The following TM9SF2 variants were observed in gnomAD, a reference collection of about 807,000 sequenced individuals.
The protein encoded by TM9SF2 is 76 kDa membrane protein.
A neutral mutation model predicts 84.9 loss-of-function variants in TM9SF2; 13 were observed. The ratio of observed to expected loss-of-function variants is 0.15; its 90% CI spans 0.10 to 0.24. The LOEUF (loss-of-function observed/expected upper bound fraction) is 0.24. TM9SF2 is among the 10% of genes least tolerant of loss of function. The probability of loss-of-function intolerance (pLI) is 1.00; values close to 1 mark genes in which losing one functional copy is unlikely to be tolerated. For missense variants in TM9SF2, 562 were observed against 818.5 expected (o/e 0.69, Z 3.82); for synonymous variants, 273 against 285.8 (o/e 0.96, Z 0.45).
chr13:99,506,711 C>T (rs1212259377), intron 1 of TM9SF2, among the ~76,000 whole-genome samples: 3 of 152,154 alleles, frequency 2.0e-5, no homozygotes, highest in Admixed American at 6.5e-5. Flanking sequence ...TAAACTGGAA[C>T]GTCTGAAACA....
chr13:99,557,119 A>G (rs760784174), intron 15 of TM9SF2, among the ~76,000 whole-genome samples: 81 of 152,186 alleles, frequency 5.3e-4, no homozygotes, highest in Admixed American at 1.6e-3. Context: ...ACTTTTCCAC[A>G]GTGGTTGTGC....
intron 4 of TM9SF2, among the ~76,000 whole-genome samples, chr13:99,534,876 G>A (rs1298201351): frequency 1.3e-5 from 2 of 152,152 alleles, no homozygotes; most frequent in Non-Finnish European, 2.9e-5. Context: ...TTGGCCAGGC[G>A]TGGTGGCTCA....
intron 12 of TM9SF2, among the ~76,000 whole-genome samples, chr13:99,550,705 C>T (rs2046302253): frequency 1.3e-5 from 2 of 152,132 alleles, no homozygotes; most frequent in Admixed American, 1.3e-4. Flanking sequence ...TAAATAAACA[C>T]CTGCATATAA....
intron 3 of TM9SF2, among the ~76,000 whole-genome samples, chr13:99,520,900 T>C (rs926311120): frequency 6.6e-6 from 1 of 152,228 alleles, no homozygotes. Flanking sequence ...ATTTGGAACA[T>C]CTTTGGTACA....
Position 99,555,713 on chromosome 13 carries a change from ATAT to A in TM9SF2, c.1752+72_1752+74del. 3 of 977,870 alleles carry A rather than the reference ATAT, an allele frequency of 3.1e-6. 1 individual carries two copies. The highest frequency in any genetic ancestry group is 4.6e-6 in the Non-Finnish European group (3 of 657,264). The allele number at this position is 977,870 out of a possible 1,614,324, so 60.6% of individuals were successfully genotyped here. A position where few individuals can be genotyped will look rare whatever the true frequency, so the allele number is the denominator to read the frequency against. On this transcript the variant is annotated intron_variant, in intron 15 of 16. Transcript: ENST00000376387. ...GTAACTTTGGCATATTGCAATTTGT[ATAT>A]TATTAATTAAAATAATTTCTGTAGA...
At position 99,501,784 on chromosome 13, in the gene TM9SF2, G is replaced by C. The variant is rs1218721879; in HGVS notation, c.171+7G>C. The C allele has an allele frequency of 3.7e-6, 6 of 1,605,882 alleles. No individual in the cohort carries two copies. Among genetic ancestry groups the C allele is most frequent in the Non-Finnish European group, 5.1e-6 (6 of 1,178,346 alleles). On this transcript the variant is annotated splice_region_variant and intron_variant, in intron 1 of 16. Transcript: ENST00000376387. ...AAAGAGCGACGAGTGCAAGGTGGGT[G>C]AGGCCTGACGAGCCCTCTGATGCAC...
chr13:99,541,899 C>T (rs967357684), intron 9 of TM9SF2, among the ~76,000 whole-genome samples: 2 of 152,098 alleles, frequency 1.3e-5, no homozygotes, highest in African/African-American at 4.8e-5. Flanking sequence ...CCTGTAATCC[C>T]AGCACTTTGG....
At chr13:99,512,741 C>T (rs999829353) in intron 1 of TM9SF2, among the ~76,000 whole-genome samples, 11 of 152,080 alleles carry the variant, frequency 7.2e-5, no homozygotes, top group Admixed American at 2.6e-4. Flanking sequence ...GTTTTGACAA[C>T]ATTGTTTTTT....
chr13:99,562,888 AAAT>A lies in TM9SF2; in HGVS notation c.*133_*135del. On this transcript the variant is annotated 3_prime_UTR_variant, in exon 17 of 17. Coordinates refer to ENST00000376387, the MANE Select transcript of TM9SF2 (RefSeq NM_004800.3). ...AATCCTTCAGAAACACCGTAATTCTAAATAAACCTCTTCCCATACACCTTTCCC... is the reference window on the plus strand; with the variant it reads ...AATCCTTCAGAAACACCGTAATTCTAAAACCTCTTCCCATACACCTTTCCC... 2 of 787,360 alleles carry A rather than the reference AAAT, an allele frequency of 2.5e-6. No individual in the cohort carries two copies. The highest frequency in any genetic ancestry group is 3.5e-5 in the South Asian group (2 of 57,018). 48.8% of individuals were successfully genotyped at this position (787,360 alleles called of 1,614,324 possible).
chr13:99,503,446 C>T (rs540130932), intron 1 of TM9SF2, among the ~76,000 whole-genome samples: 1 of 152,246 alleles, frequency 6.6e-6, no homozygotes, highest in Admixed American at 6.5e-5. Context: ...TGGTGGCTCA[C>T]GCCTGTAATC....
At chr13:99,541,140 T>G (rs886834320) in intron 8 of TM9SF2, among the ~76,000 whole-genome samples, 2 of 152,242 alleles carry the variant, frequency 1.3e-5, no homozygotes, top group Non-Finnish European at 2.9e-5. Flanking sequence ...TTCAAAACTT[T>G]TATCTAGAGT....
In TM9SF2 at chr13:99,562,884, T is replaced by C. The variant is rs2046350290; in HGVS notation, c.*126T>C. The C allele has an allele frequency of 1.2e-6, 1 of 845,146 alleles. No homozygotes were observed. Among genetic ancestry groups the C allele is most frequent in the African/African-American group, 1.7e-5 (1 of 58,760 alleles). 52.4% of individuals were successfully genotyped at this position (845,146 alleles called of 1,614,324 possible). On this transcript the variant is annotated 3_prime_UTR_variant, in exon 17 of 17. Transcript: ENST00000376387. ...TAGTAATCCTTCAGAAACACCGTAA[T>C]TCTAAATAAACCTCTTCCCATACAC... is the stretch of plus-strand genomic sequence containing the variant.
intron 4 of TM9SF2, among the ~76,000 whole-genome samples, chr13:99,533,989 G>A (rs1424012474): frequency 6.6e-6 from 1 of 152,048 alleles, no homozygotes; most frequent in Non-Finnish European, 1.5e-5. Flanking sequence ...TTCTTATTTG[G>A]GGCTTTAGCA....
intron 1 of TM9SF2, among the ~76,000 whole-genome samples, chr13:99,504,174 TTATTC>T (rs1333929869): frequency 6.6e-6 from 1 of 152,264 alleles, no homozygotes; most frequent in Non-Finnish European, 1.5e-5. Flanking sequence ...TGTTAATAAT[TTATTC>T]TCATCTATTT....
chr13:99,547,039 G>A lies in TM9SF2; in HGVS notation c.1205G>A (p.Cys402Tyr). Residue 402 changes from cysteine to tyrosine, a missense_variant, in exon 11 of 17, where the codon TGT becomes TAT. Physicochemically the swap from Cys to Tyr is radical, Grantham distance 194. Coordinates refer to ENST00000376387, the MANE Select transcript of TM9SF2 (RefSeq NM_004800.3). ...SPANRGALMT[C>Y]AVVLWVLLGT... ...GCCAACCGAGGAGCGCTGATGACGT[G>A]TGCTGTGGTCCTGTGGGTGCTGCTG... 1 of 1,614,204 alleles carries A rather than the reference G, an allele frequency of 6.2e-7. No homozygotes were observed. The highest frequency in any genetic ancestry group is 8.5e-7 in the Non-Finnish European group (1 of 1,180,036).
chr13:99,550,287 A>G (rs1328225541), intron 12 of TM9SF2, among the ~76,000 whole-genome samples: 1 of 152,200 alleles, frequency 6.6e-6, no homozygotes, highest in Non-Finnish European at 1.5e-5. Context: ...CTTGAAAAAA[A>G]TAGTCTCTAC....
At chr13:99,529,111 C>G (rs377083671) in intron 3 of TM9SF2, among the ~76,000 whole-genome samples, 32 of 152,218 alleles carry the variant, frequency 2.1e-4, no homozygotes, top group African/African-American at 4.1e-4. Flanking sequence ...GCCATTAACT[C>G]CAGAATTCCT....
intron 1 of TM9SF2, among the ~76,000 whole-genome samples, chr13:99,504,119 A>G (rs1346676562): frequency 6.6e-6 from 1 of 152,246 alleles, no homozygotes; most frequent in African/African-American, 2.4e-5. Flanking sequence ...AGAAGATGCT[A>G]TAAATAACAG....
intron 1 of TM9SF2, among the ~76,000 whole-genome samples, chr13:99,516,051 AT>A (rs1347843070): frequency 2.0e-5 from 3 of 152,086 alleles, no homozygotes; most frequent in Non-Finnish European, 4.4e-5. Context: ...TGTTATCCTC[AT>A]TTTGCAGTTA....
Sources: allele counts gnomAD v4.1 joint callset (sites outside exome capture counted in the v4.1 genomes callset), GRCh38; gene constraint gnomAD v4.1.1; transcripts MANE v1.5; gene names NCBI Gene and HGNC (gene_info 2026-07-23, HGNC 2026-07-21).